The following GSTA2 variants were observed in gnomAD, a reference collection of about 807,000 sequenced individuals.
GSTA2 encodes the protein glutathione S-transferase A2.
A neutral mutation model predicts 22.4 loss-of-function variants in GSTA2; 27 were observed. The ratio of observed to expected loss-of-function variants is 1.21; its 90% CI spans 0.89 to 1.67. GSTA2 has a LOEUF of 1.67. Ranked by LOEUF, GSTA2 falls within the 40% of genes most tolerant of loss-of-function variation. The pLI, the probability that GSTA2 is intolerant of heterozygous loss-of-function variation, is 0.00. For synonymous variants in GSTA2, 121 were observed against 86.8 expected, an observed-to-expected ratio of 1.39 and a Z score of -2.19; for missense variants, 302 against 260.2, an observed-to-expected ratio of 1.16 and a Z score of -1.11.
At chr6:52,761,501 T>C (rs765244297) in intron 1 of GSTA2, among the ~76,000 whole-genome samples, 17 of 145,732 alleles carry the variant, frequency 1.2e-4, no homozygotes, top group Non-Finnish European at 1.9e-4. Context: ...AGATTTTATA[T>C]GAATCCAGAC....
chr6:52,760,832 C>T (rs1335930742), intron 1 of GSTA2, among the ~76,000 whole-genome samples: 1 of 152,164 alleles, frequency 6.6e-6, no homozygotes, highest in Non-Finnish European at 1.5e-5. Context: ...GTGCCTTTCT[C>T]TACTTTGACA....
At position 52,750,616 on chromosome 6, in the gene GSTA2, C is replaced by T. The variant is rs768379019; in HGVS notation, c.630G>A (p.Glu210=). Residue 210 remains glutamate (E), a synonymous_variant, in exon 7 of 7, where the codon GAG becomes GAA. Transcript: ENST00000493422. ...PGSPRKPPMD[E]KSLEESRKIF... The stretch of plus-strand genomic sequence containing the variant: ...TCTTCCTTGATTCTTCTAAAGATTT[C>T]TCATCCATGGGAGGCTTCCTTGGGC... 4 of 1,613,758 alleles carry T rather than the reference C, an allele frequency of 2.5e-6. No homozygotes were observed. The highest frequency in any genetic ancestry group is 3.3e-5 in the Admixed American group (2 of 60,010).
chr6:52,751,871 T>C (rs772680739), intron 5 of GSTA2, among the ~76,000 whole-genome samples, 163 bp from the exon 6 acceptor site: 3 of 152,208 alleles, frequency 2.0e-5, no homozygotes, highest in Non-Finnish European at 2.9e-5. Context: ...AATGAGATAG[T>C]AAGAAGTGTA....
chr6:52,755,123 C>T, intron 3 of GSTA2, 48 bp from the exon 4 acceptor site: 1 of 1,598,118 alleles, frequency 6.3e-7, no homozygotes, highest in South Asian at 1.1e-5. Flanking sequence ...ATGAAACCCA[C>T]CATTTCAGGA....
At chr6:52,762,424 C>T (rs969494252) in intron 1 of GSTA2, among the ~76,000 whole-genome samples, 8 of 152,194 alleles carry the variant, frequency 5.3e-5, no homozygotes, top group Admixed American at 1.3e-4. Flanking sequence ...GGAGGTGAGA[C>T]ATGCTGGCGG....
At chr6:52,755,336 T>C (rs1762820989) in intron 3 of GSTA2, among the ~76,000 whole-genome samples, 1 of 151,350 alleles carries the variant, frequency 6.6e-6, no homozygotes, top group Non-Finnish European at 1.5e-5. Flanking sequence ...TATCTCAGCC[T>C]CTCTATAGCT....
At position 52,763,374 on chromosome 6, in the gene GSTA2, T is replaced by C. The variant is rs971167742; in HGVS notation, c.-31+70A>G. On this transcript the variant is annotated intron_variant, in intron 1 of 6. Transcript: ENST00000493422. Reference sequence around the variant, plus strand: ...TTCTTGTGCTAAGGACACATATTAGTGTATTTTTCTAGGAGGCTAGAGAGG... The same window carrying C: ...TTCTTGTGCTAAGGACACATATTAGCGTATTTTTCTAGGAGGCTAGAGAGG... 6.0e-4 allele frequency: 106 copies of C among 176,704 alleles called. 1 individual carries two copies. Among genetic ancestry groups the C allele is most frequent in the African/African-American group, 2.3e-3 (97 of 42,370 alleles). 10.9% of individuals were successfully genotyped at this position (176,704 alleles called of 1,614,324 possible).
At chr6:52,752,173 G>A (rs1762752946) in intron 5 of GSTA2, among the ~76,000 whole-genome samples, 1 of 152,114 alleles carries the variant, frequency 6.6e-6, no homozygotes, top group Non-Finnish European at 1.5e-5. Flanking sequence ...ATTTCTCCTT[G>A]TCTGTTCTCC....
At chr6:52,757,732 T>C (rs1561896329) in intron 2 of GSTA2, 129 bp downstream of exon 2, 1 of 796,522 alleles carries the variant, frequency 1.3e-6, no homozygotes, top group Non-Finnish European at 2.1e-6. Context: ...TTCATCTTTT[T>C]CTTAATTACA....
At chr6:52,758,348 A>G (rs1206846330) in intron 1 of GSTA2, among the ~76,000 whole-genome samples, 1 of 152,180 alleles carries the variant, frequency 6.6e-6, no homozygotes, top group African/African-American at 2.4e-5. Context: ...TCAATATTTT[A>G]TATCTTTAAC....
chr6:52,758,628 A>T (rs1581776055), intron 1 of GSTA2, among the ~76,000 whole-genome samples: 1 of 152,226 alleles, frequency 6.6e-6, no homozygotes, highest in Non-Finnish European at 1.5e-5. Context: ...ACTGCATTTG[A>T]TCAAAACCAG....
intron 3 of GSTA2, 118 bp from the exon 4 acceptor site, chr6:52,755,193 G>T: frequency 3.0e-6 from 4 of 1,343,440 alleles, no homozygotes; most frequent in East Asian, 2.4e-5. Context: ...ATTACTGCCT[G>T]GTAAGAGTTC....
chr6:52,750,545 C>T lies in GSTA2; in HGVS notation c.*32G>A, dbSNP rs370534935. On this transcript the variant is annotated 3_prime_UTR_variant, in exon 7 of 7. Transcript: ENST00000493422. Reference sequence around the variant, plus strand: ...TGTTGCAAAACTTTAGAATACTGGTCTTGCATGTTCTTGACCTCTATGGCT... The same window carrying T: ...TGTTGCAAAACTTTAGAATACTGGTTTTGCATGTTCTTGACCTCTATGGCT... 2 of 1,609,282 alleles carry T rather than the reference C, an allele frequency of 1.2e-6. No homozygotes were observed. The highest frequency in any genetic ancestry group is 1.7e-5 in the Admixed American group (1 of 59,724).
chr6:52,757,359 CA>C (rs1561896217), intron 2 of GSTA2, among the ~76,000 whole-genome samples: 1 of 135,482 alleles, frequency 7.4e-6, no homozygotes, highest in Non-Finnish European at 1.6e-5. Flanking sequence ...CAATCAAAAC[CA>C]ATATGGTTTC....
At chr6:52,751,454 C>T (rs1241844245) in intron 6 of GSTA2, 123 bp downstream of exon 6, 2 of 1,583,440 alleles carry the variant, frequency 1.3e-6, no homozygotes, top group East Asian at 4.5e-5. Flanking sequence ...ATTTTGGAGA[C>T]CTTGGGGCAC....
intron 1 of GSTA2, among the ~76,000 whole-genome samples, chr6:52,759,585 T>TG (rs1762917381): frequency 8.0e-6 from 1 of 125,142 alleles, no homozygotes; most frequent in East Asian, 2.2e-4. Context: ...TTTTTTTTTT[T>TG]TTTTTTTTTT....
intron 1 of GSTA2, among the ~76,000 whole-genome samples, chr6:52,761,891 A>C (rs2127291708): frequency 6.6e-6 from 1 of 150,908 alleles, no homozygotes; most frequent in South Asian, 2.1e-4. Context: ...AGTAGACATA[A>C]GAGACTCCAT....
chr6:52,758,115 G>C, intron 1 of GSTA2, 138 bp from the exon 2 acceptor site: 1 of 587,390 alleles, frequency 1.7e-6, no homozygotes. Flanking sequence ...AGGAGTTCCC[G>C]GAATGTTTTC....
intron 4 of GSTA2, among the ~76,000 whole-genome samples, chr6:52,754,508 T>G (rs926365896): frequency 2.0e-5 from 3 of 152,202 alleles, no homozygotes; most frequent in Admixed American, 2.0e-4. Flanking sequence ...TTCCTGTTCA[T>G]CATACTTGGA....
Sources: gnomAD v4.1 joint callset for allele counts (sites outside exome capture counted in the v4.1 genomes callset) on GRCh38, gnomAD v4.1.1 for gene constraint, MANE v1.5 for transcripts, NCBI Gene and HGNC (gene_info 2026-07-23, HGNC 2026-07-21) for gene names.